USP5: variants seen among roughly 807,000 people sequenced by gnomAD.
The protein encoded by USP5 is ubiquitin carboxyl-terminal hydrolase 5.
A neutral mutation model predicts 102.5 loss-of-function variants in USP5; 24 were observed. That is an observed-to-expected ratio of 0.23 (90% confidence interval 0.17 to 0.33). The LOEUF (loss-of-function observed/expected upper bound fraction) is 0.33, where lower values mean the gene tolerates loss of function less well. USP5 is among the 10% of genes least tolerant of loss of function. The probability of loss-of-function intolerance (pLI) is 1.00; values close to 1 mark genes in which losing one functional copy is unlikely to be tolerated. For synonymous variants in USP5, 460 were observed against 434.8 expected (o/e 1.06, Z -0.72); for missense variants, 753 against 1,122.1 (o/e 0.67, Z 4.70).
chr12:6,859,488 G>T lies in USP5; in HGVS notation c.1077G>T (p.Glu359Asp), dbSNP rs782069015. Residue 359 changes from glutamate to aspartate, a missense_variant, in exon 9 of 20, where the codon GAG (glutamate) becomes GAT (aspartate). Around this residue, in one of 3 missense-constraint regions of USP5, gnomAD observed 527 missense variants for 816.5 expected, o/e 0.65. Transcript: ENST00000229268. ...CTTTTAGGTATGTGGATAAGCTGGA[G>T]AAGATCTTCCAGAATGCCCCGACGG... ...DFQRKYVDKL[E>D]KIFQNAPTDP... 1.7e-5 allele frequency: 28 copies of T among 1,614,152 alleles called. No individual in the cohort carries two copies. The South Asian group carries it at 2.5e-4, about 15-fold the overall frequency.
In USP5 at chr12:6,860,067, A is replaced by G. The variant is rs1389229885; in HGVS notation, c.1131-84A>G. 85 of 1,465,522 alleles carry G rather than the reference A, an allele frequency of 5.8e-5. 1 individual carries two copies. Among genetic ancestry groups the G allele is most frequent in the Non-Finnish European group, 7.4e-5 (79 of 1,065,782 alleles). 90.8% of individuals were successfully genotyped at this position (1,465,522 alleles called of 1,614,324 possible). A position where few individuals can be genotyped will look rare whatever the true frequency, so the allele number is the denominator to read the frequency against. ...TCACGTTGTTGAGAGTTAGCTAGGG[A>G]GAGCCACGAGCAGGGGGTTGAGCTG... is the stretch of plus-strand genomic sequence containing the variant. On this transcript the variant is annotated intron_variant, in intron 9 of 19. Coordinates refer to ENST00000229268, the MANE Select transcript of USP5 (RefSeq NM_001098536.2). The surrounding 1 kb of genome is among the most constrained non-coding windows in gnomAD (Gnocchi z 5.5).
rs183956827 is a variant in USP5 at position 6,857,346 on chromosome 12, T to C, written c.770-283T>C. 8.1e-5 allele frequency: 33 copies of C among 405,034 alleles called. 1 individual carries two copies. The East Asian group carries it at 1.3e-3, about 16-fold the overall frequency. 25.1% of individuals were successfully genotyped at this position (405,034 alleles called of 1,614,324 possible). A position where few individuals can be genotyped will look rare whatever the true frequency, so the allele number is the denominator to read the frequency against. ...AATTTTTGATTACTCCCCACTCAAA[T>C]CCTCATCCCTTTCCTACCAAGCCTG... On this transcript the variant is annotated intron_variant, in intron 6 of 19. Coordinates refer to ENST00000229268, the MANE Select transcript of USP5 (RefSeq NM_001098536.2).
chr12:6,859,423 G>A (rs782401346), intron 8 of USP5, 47 bp from the exon 9 acceptor site: 15 of 1,593,216 alleles, frequency 9.4e-6, no homozygotes, highest in South Asian at 5.5e-5. Flanking sequence ...CCTTTTCCTC[G>A]GCGCTCAGGC....
In USP5 at chr12:6,864,643, C is replaced by G. The variant is rs377118724; in HGVS notation, c.2245-79C>G. 7 of 1,484,394 alleles carry G rather than the reference C, an allele frequency of 4.7e-6. No homozygotes were observed. Among genetic ancestry groups the G allele is most frequent in the East Asian group, 4.6e-5 (2 of 43,038 alleles). 92.0% of individuals were successfully genotyped at this position (1,484,394 alleles called of 1,614,324 possible). ...GGCGGAGCTTGCAGTGAGCCGAGAT[C>G]GCGCCACTGCACTCCAGCCTGGGCG... On this transcript the variant is annotated intron_variant, in intron 17 of 19. Coordinates refer to ENST00000229268, the MANE Select transcript of USP5 (RefSeq NM_001098536.2). The surrounding 1 kb of genome is among the most constrained non-coding windows in gnomAD (Gnocchi z 4.8).
rs1555128722 is a variant in USP5 at position 6,858,032 on chromosome 12, G to A, written c.864+309G>A. ...GAATAGTTGCAAACTGGTGGGCACT[G>A]TGAAAGAGAGGCGGAGGGTACTACA... On this transcript the variant is annotated intron_variant, in intron 7 of 19. Coordinates refer to ENST00000229268, the MANE Select transcript of USP5 (RefSeq NM_001098536.2). This position sits in a 1 kb window ranked among gnomAD's most constrained non-coding sequence, Gnocchi z 4.2. 6.6e-6 allele frequency among the ~76,000 whole-genome samples: 1 copy of A among 152,186 alleles called. No individual in the cohort carries two copies. Among genetic ancestry groups the A allele is most frequent in the Non-Finnish European group, 1.5e-5 (1 of 68,042 alleles).
Position 6,863,528 on chromosome 12 carries a change from C to G in USP5, c.1954+151C>G. On this transcript the variant is annotated intron_variant, in intron 15 of 19. Coordinates refer to ENST00000229268, the MANE Select transcript of USP5 (RefSeq NM_001098536.2). The surrounding 1 kb of genome is among the most constrained non-coding windows in gnomAD (Gnocchi z 4.7). ...ATTGACATGGGGCCTCCCCAGCGCA[C>G]TCCTAGCCACCTTCTGGGTGTGGAT... 9.7e-7 allele frequency: 1 copy of G among 1,028,136 alleles called. No individual in the cohort carries two copies. The highest frequency in any genetic ancestry group is 1.4e-6 in the Non-Finnish European group (1 of 713,242). 63.7% of individuals were successfully genotyped at this position (1,028,136 alleles called of 1,614,324 possible). A position where few individuals can be genotyped will look rare whatever the true frequency, so the allele number is the denominator to read the frequency against.
At position 6,863,927 on chromosome 12, in the gene USP5, G is replaced by T; in HGVS notation, c.2052G>T (p.Gly684=). ...CTGTCTACTACACGGGCAACAGCGG[G>T]GCTGAGGCCGCCATGAACTGGGTCA... ...RKAVYYTGNS[G]AEAAMNWVMS... The change falls in exon 16 of 20, where the codon GGG becomes GGT. Residue 684 remains glycine (G), a synonymous_variant. Coordinates refer to ENST00000229268, the MANE Select transcript of USP5 (RefSeq NM_001098536.2). The surrounding 1 kb of genome is among the most constrained non-coding windows in gnomAD (Gnocchi z 4.7). 1 of 1,609,890 alleles carries T rather than the reference G, an allele frequency of 6.2e-7. No homozygotes were observed. The highest frequency in any genetic ancestry group is 1.1e-5 in the South Asian group (1 of 90,712).
At chr12:6,853,675 G>C (rs1019820281) in intron 1 of USP5, among the ~76,000 whole-genome samples, 2 of 152,156 alleles carry the variant, frequency 1.3e-5, no homozygotes, top group Non-Finnish European at 2.9e-5. Flanking sequence ...AAGGGTTTTT[G>C]TAATCTTCTG....
In USP5 at chr12:6,858,729, T is replaced by C; in HGVS notation, c.1058+112T>C. The C allele has an allele frequency of 1.3e-5, 13 of 1,039,742 alleles. No individual in the cohort carries two copies. The highest frequency in any genetic ancestry group is 1.8e-5 in the Non-Finnish European group (13 of 726,908). The allele number at this position is 1,039,742 out of a possible 1,614,324, so 64.4% of individuals were successfully genotyped here. ...GTGTTTGATTCTAGTCTTAGAGTAG[T>C]TCCTATCGGCTGGGTGTGTTGGCCC... On this transcript the variant is annotated intron_variant, in intron 8 of 19. Transcript: ENST00000229268. This position sits in a 1 kb window ranked among gnomAD's most constrained non-coding sequence, Gnocchi z 4.2.
Position 6,865,267 on chromosome 12 carries a change from C to T in USP5, c.2483+19C>T, listed in dbSNP as rs782650431. 7 of 1,604,160 alleles carry T rather than the reference C, an allele frequency of 4.4e-6. No individual in the cohort carries two copies. In the Admixed American group the frequency reaches 5.0e-5, roughly 11 times the overall value. ...AAGGCAGGTGAGTGCTGGCCACATG[C>T]GTTTTGAATGGAGAATGGTGGTGGG... On this transcript the variant is annotated intron_variant, in intron 19 of 19. Coordinates refer to ENST00000229268, the MANE Select transcript of USP5 (RefSeq NM_001098536.2).
At position 6,856,540 on chromosome 12, in the gene USP5, G is replaced by C; in HGVS notation, c.584+90G>C. 2.6e-6 allele frequency: 4 copies of C among 1,553,262 alleles called. No individual in the cohort carries two copies. Among genetic ancestry groups the C allele is most frequent in the Non-Finnish European group, 3.5e-6 (4 of 1,151,900 alleles). Reference sequence around the variant, plus strand: ...GGGGGATCTGGTGGGAGAGAGGGTAGGGAGCAGGACAGGAAGGGAAGCTTG... The same window carrying C: ...GGGGGATCTGGTGGGAGAGAGGGTACGGAGCAGGACAGGAAGGGAAGCTTG... On this transcript the variant is annotated intron_variant, in intron 5 of 19. Coordinates refer to ENST00000229268, the MANE Select transcript of USP5 (RefSeq NM_001098536.2). This position sits in a 1 kb window ranked among gnomAD's most constrained non-coding sequence, Gnocchi z 5.6.
rs187242191 is a variant in USP5, at chr12:6,855,063, G to A, written c.112-338G>A. ...TAGCCCCAGGATAGAGGTGAAGGAA[G>A]TCCTCTGTGATTGATTAAAGAGCTC... On this transcript the variant is annotated intron_variant, in intron 1 of 19. Transcript: ENST00000229268. The surrounding 1 kb of genome is among the most constrained non-coding windows in gnomAD (Gnocchi z 4.6). Among the ~76,000 whole-genome samples the A allele has an allele frequency of 6.6e-6, 1 of 152,156 alleles. No individual in the cohort carries two copies. The highest frequency in any genetic ancestry group is 1.9e-4 in the East Asian group (1 of 5,178).
At chr12:6,854,692 AG>A (rs1944055722) in intron 1 of USP5, among the ~76,000 whole-genome samples, 1 of 151,496 alleles carries the variant, frequency 6.6e-6, no homozygotes, top group Admixed American at 6.6e-5. Flanking sequence ...GGGGAGGTTG[AG>A]GCTGCAGTGA....
intron 1 of USP5, among the ~76,000 whole-genome samples, chr12:6,854,869 C>T (rs1944061827): frequency 1.3e-5 from 2 of 152,044 alleles, no homozygotes; most frequent in Non-Finnish European, 2.9e-5. Context: ...GGAAGGTTTT[C>T]TGAATCATGG....
In USP5 at chr12:6,863,763, G is replaced by C; in HGVS notation, c.1955-67G>C. 9 of 1,505,564 alleles carry C rather than the reference G, an allele frequency of 6.0e-6. No homozygotes were observed. Among genetic ancestry groups the C allele is most frequent in the Non-Finnish European group, 7.1e-6 (8 of 1,125,488 alleles). 93.3% of individuals were successfully genotyped at this position (1,505,564 alleles called of 1,614,324 possible). The stretch of plus-strand genomic sequence containing the variant: ...GGTGATTGGAAGAGGGCTGGGTCCT[G>C]GGGGAGGGAGGAGGAGCAAACAGTG... On this transcript the variant is annotated intron_variant, in intron 15 of 19. Transcript: ENST00000229268. The surrounding 1 kb of genome is among the most constrained non-coding windows in gnomAD (Gnocchi z 4.7).
Position 6,858,429 on chromosome 12 carries a change from C to G in USP5, c.870C>G (p.Asp290Glu), listed in dbSNP as rs1555128814. Residue 290 changes from aspartate (D) to glutamate (E), a missense_variant, in exon 8 of 20, where the codon GAC (aspartate) becomes GAG (glutamate). Physicochemically the swap from Asp to Glu is conservative, Grantham distance 45. Coordinates refer to ENST00000229268, the MANE Select transcript of USP5 (RefSeq NM_001098536.2). This position sits in a 1 kb window ranked among gnomAD's most constrained non-coding sequence, Gnocchi z 4.2. ...AAGTGCCCCTTCTCACACAGACAGA[C>G]AAGACGATGACTGAGTTGGAGATAG... ...GIDMLKMQKT[D>E]KTMTELEIDM... The G allele has an allele frequency of 1.2e-6, 2 of 1,600,882 alleles. No homozygotes were observed. The highest frequency in any genetic ancestry group is 3.3e-5 in the Admixed American group (2 of 59,856).
intron 18 of USP5, 143 bp downstream of exon 18, chr12:6,865,018 T>A: frequency 9.7e-6 from 13 of 1,339,076 alleles, no homozygotes; most frequent in Non-Finnish European, 1.3e-5. Context: ...TGGGGTTCTC[T>A]GACATGGAGA....
chr12:6,857,344 A>G (rs1302017911), intron 6 of USP5: 1 of 400,576 alleles, frequency 2.5e-6, no homozygotes, highest in African/African-American at 2.0e-5. Flanking sequence ...TCCCCACTCA[A>G]ATCCTCATCC....
chr12:6,854,164 A>T (rs919869558), intron 1 of USP5, among the ~76,000 whole-genome samples: 1 of 152,142 alleles, frequency 6.6e-6, no homozygotes, highest in African/African-American at 2.4e-5. Context: ...TTCACGGGTT[A>T]TGTGTGTTCT....
Sources: allele counts gnomAD v4.1 joint callset (sites outside exome capture counted in the v4.1 genomes callset), GRCh38; gene constraint gnomAD v4.1.1; regional missense constraint gnomAD v4.1.1; non-coding constraint Gnocchi (gnomAD v3.1); transcripts MANE v1.5; gene names NCBI Gene and HGNC (gene_info 2026-07-23, HGNC 2026-07-21).